Variants in SPIRE1 observed in about 807,000 individuals in gnomAD.
SPIRE1 encodes the protein spire type actin nucleation factor 1.
In SPIRE1, 40 loss-of-function variants were observed where a neutral mutation model predicts 94.1. That is an observed-to-expected ratio of 0.43 (90% CI 0.33 to 0.55). The LOEUF (loss-of-function observed/expected upper bound fraction) is 0.55. SPIRE1 is among the 20% of genes least tolerant of loss of function. The pLI, the probability that SPIRE1 is intolerant of heterozygous loss-of-function variation, is 0.06. For missense variants in SPIRE1, 838 were observed against 975.2 expected (o/e 0.86, Z 1.87); for synonymous variants, 376 against 371.7 (o/e 1.01, Z -0.13).
intron 6 of SPIRE1, among the ~76,000 whole-genome samples, chr18:12,501,072 CAAAAAAA>C (rs67894900): frequency 0.12 from 10,021 of 80,892 alleles, 364 homozygotes; most frequent in Middle Eastern, 0.31. Flanking sequence ...AACTCTGTCT[CAAAAAAA>C]AAAAAAAAAA....
chr18:12,542,744 T>G (rs1373923108), intron 3 of SPIRE1, among the ~76,000 whole-genome samples: 1 of 152,258 alleles, frequency 6.6e-6, no homozygotes, highest in Non-Finnish European at 1.5e-5. Context: ...GCTACTGTTA[T>G]ACATTTTAAT....
intron 1 of SPIRE1, among the ~76,000 whole-genome samples, chr18:12,636,530 A>C (rs1227495776): frequency 3.3e-5 from 5 of 152,092 alleles, no homozygotes; most frequent in Admixed American, 3.3e-4. Flanking sequence ...AAAAAAACAA[A>C]AATGAAAAAA....
intron 2 of SPIRE1, among the ~76,000 whole-genome samples, chr18:12,599,381 C>T (rs1012379831): frequency 6.6e-6 from 1 of 152,162 alleles, no homozygotes; most frequent in African/African-American, 2.4e-5. Flanking sequence ...ATTCTCCCAC[C>T]TCCTGAATAG....
intron 2 of SPIRE1, among the ~76,000 whole-genome samples, chr18:12,613,140 T>C (rs577410530): frequency 7.2e-5 from 11 of 152,322 alleles, no homozygotes; most frequent in Middle Eastern, 3.4e-3. Flanking sequence ...GGACACAGCA[T>C]GTGCGCAATA....
At chr18:12,617,152 GCTCA>G (rs1476211597) in intron 2 of SPIRE1, among the ~76,000 whole-genome samples, 3 of 108,952 alleles carry the variant, frequency 2.8e-5, no homozygotes, top group Admixed American at 1.1e-4. Context: ...GAGCAACCAT[GCTCA>G]CTATTTTTTT....
intron 4 of SPIRE1, among the ~76,000 whole-genome samples, chr18:12,531,960 A>C (rs1268948137): frequency 6.6e-6 from 1 of 152,222 alleles, no homozygotes; most frequent in Non-Finnish European, 1.5e-5. Context: ...CTCTTCTTTC[A>C]TACAACCTGA....
At chr18:12,608,438 T>C (rs1227264134) in intron 2 of SPIRE1, among the ~76,000 whole-genome samples, 1 of 152,224 alleles carries the variant, frequency 6.6e-6, no homozygotes, top group Non-Finnish European at 1.5e-5. Flanking sequence ...TGTTGCACAA[T>C]AGTTAGACAT....
chr18:12,659,831 CAG>C (rs1330278615), upstream of SPIRE1, among the ~76,000 whole-genome samples: 2 of 152,020 alleles, frequency 1.3e-5, no homozygotes, highest in Non-Finnish European at 2.9e-5. Flanking sequence ...TGCCAAAGCC[CAG>C]AGAGGCAAAC....
At chr18:12,483,700 T>A (rs564847104) in intron 9 of SPIRE1, among the ~76,000 whole-genome samples, 1 of 152,208 alleles carries the variant, frequency 6.6e-6, no homozygotes, top group Non-Finnish European at 1.5e-5. Flanking sequence ...TTCATCATTA[T>A]CTTGTACTTA....
chr18:12,642,344 T>C (rs2038109721), intron 1 of SPIRE1, among the ~76,000 whole-genome samples: 1 of 152,084 alleles, frequency 6.6e-6, no homozygotes, highest in African/African-American at 2.4e-5. Context: ...AAATGGAAGC[T>C]CCCACTTTAT....
intron 4 of SPIRE1, among the ~76,000 whole-genome samples, chr18:12,517,901 C>T (rs2034242303): frequency 6.6e-6 from 1 of 152,118 alleles, no homozygotes; most frequent in African/African-American, 2.4e-5. Context: ...TTAATGATCA[C>T]CATTTCCACC....
At chr18:12,461,259 G>A (rs2031783994) in intron 12 of SPIRE1, among the ~76,000 whole-genome samples, 1 of 152,026 alleles carries the variant, frequency 6.6e-6, no homozygotes, top group Non-Finnish European at 1.5e-5. Flanking sequence ...TAAACTTTAA[G>A]TCTAACCTCA....
At chr18:12,461,581 A>ACATGTG (rs1598892610) in intron 12 of SPIRE1, among the ~76,000 whole-genome samples, 2 of 147,950 alleles carry the variant, frequency 1.4e-5, no homozygotes, top group Non-Finnish European at 2.9e-5. Flanking sequence ...GTACATACAT[A>ACATGTG]TGTATATACA....
chr18:12,602,936 G>A (rs1323910104), intron 2 of SPIRE1, among the ~76,000 whole-genome samples: 1 of 152,172 alleles, frequency 6.6e-6, no homozygotes, highest in Non-Finnish European at 1.5e-5. Context: ...CCATTGATTT[G>A]TAGGTAAACA....
chr18:12,489,157 C>T (rs2033143865), intron 8 of SPIRE1, among the ~76,000 whole-genome samples: 1 of 152,154 alleles, frequency 6.6e-6, no homozygotes, highest in Non-Finnish European at 1.5e-5. Flanking sequence ...CACTGCACTC[C>T]AGCCTGGGAG....
chr18:12,498,214 T>A (rs1436211757), intron 6 of SPIRE1, among the ~76,000 whole-genome samples: 1 of 152,216 alleles, frequency 6.6e-6, no homozygotes, highest in Non-Finnish European at 1.5e-5. Flanking sequence ...TAAACCTGTA[T>A]AAGGATAAGT....
At position 12,653,947 on chromosome 18, in the gene SPIRE1, A is replaced by C. The variant is rs538508807; in HGVS notation, c.337+3583T>G. Among the ~76,000 whole-genome samples, 22 of 144,580 alleles carry C rather than the reference A, an allele frequency of 1.5e-4. No individual in the cohort carries two copies. In the South Asian group the frequency reaches 4.9e-3, roughly 32 times the overall value. The allele number at this position is 144,580 out of a possible 152,430, so 94.9% of individuals were successfully genotyped here. On this transcript the variant is annotated intron_variant, in intron 1 of 16. Coordinates refer to ENST00000409402, the MANE Select transcript of SPIRE1 (RefSeq NM_001128626.2). The stretch of plus-strand genomic sequence containing the variant: ...GGCAACAAGAGCAAAACTCCGTCTC[A>C]AAAAAAAAAAAGAAAGAAAGAAACA...
chr18:12,502,463 G>A (rs1023688551), intron 6 of SPIRE1, among the ~76,000 whole-genome samples: 3 of 152,072 alleles, frequency 2.0e-5, no homozygotes, highest in Non-Finnish European at 4.4e-5. Context: ...AAAGGACAAA[G>A]TTCAAATAAG....
chr18:12,474,304 T>C (rs2032472639), intron 10 of SPIRE1, among the ~76,000 whole-genome samples: 1 of 152,116 alleles, frequency 6.6e-6, no homozygotes, highest in Non-Finnish European at 1.5e-5. Flanking sequence ...TGGACTCCAC[T>C]GGTGAGTTCA....
Sources: allele counts gnomAD v4.1 joint callset (sites outside exome capture counted in the v4.1 genomes callset), GRCh38; gene constraint gnomAD v4.1.1; transcripts MANE v1.5; gene names NCBI Gene and HGNC (gene_info 2026-07-23, HGNC 2026-07-21).